Variants in PAXIP1 observed in about 807,000 individuals in gnomAD.
PAXIP1 encodes PAX interacting protein 1.
In PAXIP1, 19 loss-of-function variants were observed where a neutral mutation model predicts 140.6. The observed-to-expected ratio is 0.14, with a 90% confidence interval of 0.09 to 0.20. PAXIP1 has a LOEUF of 0.20. PAXIP1 is among the 10% of genes least tolerant of loss of function. PAXIP1 has a pLI of 1.00. For synonymous variants in PAXIP1, 442 were observed against 444.6 expected (o/e 0.99, Z 0.07); for missense variants, 920 against 1,208.6 (o/e 0.76, Z 3.54).
At position 154,993,782 on chromosome 7, in the gene PAXIP1, A is replaced by T. The variant is rs1438067559; in HGVS notation, c.217-13T>A. 1 of 1,565,914 alleles carries T rather than the reference A, an allele frequency of 6.4e-7. No homozygotes were observed. Among genetic ancestry groups the T allele is most frequent in the Non-Finnish European group, 8.7e-7 (1 of 1,155,132 alleles). ...TCACCCAAGAAGGCTGAAAAAGAAA[A>T]GATTAAATCAAAAAGTATTCTCAAT... On this transcript the variant is annotated splice_polypyrimidine_tract_variant and intron_variant, in intron 2 of 20. Transcript: ENST00000404141.
In PAXIP1 at chr7:155,002,854, G is replaced by A. The variant is rs1284333863; in HGVS notation, c.76C>T (p.Pro26Ser). 4 of 1,400,066 alleles carry A rather than the reference G, an allele frequency of 2.9e-6. No homozygotes were observed. The highest frequency in any genetic ancestry group is 2.8e-6 in the Non-Finnish European group (3 of 1,057,764). The allele number at this position is 1,400,066 out of a possible 1,614,324, so 86.7% of individuals were successfully genotyped here. A position where few individuals can be genotyped will look rare whatever the true frequency, so the allele number is the denominator to read the frequency against. The change falls in exon 1 of 21, where the codon CCG becomes TCG. Residue 26 changes from proline to serine, a missense_variant. Pro to Ser is a moderately conservative substitution (Grantham distance 74). Coordinates refer to ENST00000404141, the MANE Select transcript of PAXIP1 (RefSeq NM_007349.4). ...VKYYAVGDIDPQVIQLLKAGK... is the reference protein window; with the variant it reads ...VKYYAVGDIDSQVIQLLKAGK... ...GGCAGGGGCGGGCGCGGTACCTGCG[G>A]GTCGATGTCGCCCACCGCGTAATAC... is the stretch of plus-strand genomic sequence containing the variant.
chr7:154,952,371 C>A (rs1033946566), intron 16 of PAXIP1, among the ~76,000 whole-genome samples: 2 of 152,192 alleles, frequency 1.3e-5, no homozygotes, highest in Non-Finnish European at 2.9e-5. Context: ...CAAGGCCATG[C>A]CTTGCCTTCC....
chr7:154,954,308 T>C lies in PAXIP1; in HGVS notation c.2768A>G (p.His923Arg). The part of the protein sequence containing the change: ...KFLTAISVVK[H>R]IVTPEWLEEC... ...TTCCAGCCACTCTGGCGTCACTATGTGCTTCACGACAGAAATCGCCGTCAG... is the reference window on the plus strand; with the variant it reads ...TTCCAGCCACTCTGGCGTCACTATGCGCTTCACGACAGAAATCGCCGTCAG... The change falls in exon 16 of 21, where the codon CAC (histidine) becomes CGC (arginine). Residue 923 changes from histidine to arginine, a missense_variant. Physicochemically the swap from His to Arg is conservative, Grantham distance 29. This residue lies in a region of PAXIP1 where 303 missense variants were observed against 517.9 expected (regional missense o/e 0.59). Coordinates refer to ENST00000404141, the MANE Select transcript of PAXIP1 (RefSeq NM_007349.4). The surrounding 1 kb of genome is among the most constrained non-coding windows in gnomAD (Gnocchi z 5.1). 6.2e-7 allele frequency: 1 copy of C among 1,602,608 alleles called. No homozygotes were observed. Among genetic ancestry groups the C allele is most frequent in the Non-Finnish European group, 8.5e-7 (1 of 1,172,048 alleles).
At chr7:154,994,438 C>T (rs1248773578) in intron 2 of PAXIP1, among the ~76,000 whole-genome samples, 1 of 152,028 alleles carries the variant, frequency 6.6e-6, no homozygotes, top group Admixed American at 6.6e-5. Context: ...AGCTGACTTC[C>T]AGAAACTTCA....
At chr7:154,944,984 T>C (rs992583349) in intron 20 of PAXIP1, 2 of 25,168 alleles carry the variant, frequency 7.9e-5, no homozygotes, top group East Asian at 2.5e-3. Flanking sequence ...TTTTACTTCT[T>C]TTTTTTTTTT....
Position 154,954,404 on chromosome 7 carries a change from C to A in PAXIP1, c.2672G>T (p.Gly891Val). 1 of 1,556,470 alleles carries A rather than the reference C, an allele frequency of 6.4e-7. No homozygotes were observed. Among genetic ancestry groups the A allele is most frequent in the South Asian group, 1.2e-5 (1 of 84,622 alleles). ...CTTCTGTGCAGACTCCGCAACCTCT[C>A]CACCAAGAATGTAGAGCTTCTAAAG... The part of the protein sequence containing the change: ...QYIKKLYILG[G>V]EVAESAQKCT... The change falls in exon 16 of 21, where the codon GGA becomes GTA. Residue 891 changes from glycine (G) to valine (V), a missense_variant. Coordinates refer to ENST00000404141, the MANE Select transcript of PAXIP1 (RefSeq NM_007349.4). The surrounding 1 kb of genome is among the most constrained non-coding windows in gnomAD (Gnocchi z 5.1).
At chr7:154,999,369 A>C (rs2150790899) in intron 1 of PAXIP1, among the ~76,000 whole-genome samples, 1 of 152,348 alleles carries the variant, frequency 6.6e-6, no homozygotes, top group African/African-American at 2.4e-5. Flanking sequence ...AGGGCCACTG[A>C]AGGATTTCAC....
At chr7:154,962,882 G>A (rs1808820525) in intron 9 of PAXIP1, among the ~76,000 whole-genome samples, 1 of 152,166 alleles carries the variant, frequency 6.6e-6, no homozygotes, top group African/African-American at 2.4e-5. Context: ...AGGAAAAGCA[G>A]ATCCTGTGAA....
At chr7:155,002,440 G>A (rs1810956665) in intron 1 of PAXIP1, among the ~76,000 whole-genome samples, 1 of 152,046 alleles carries the variant, frequency 6.6e-6, no homozygotes, top group Admixed American at 6.6e-5. Flanking sequence ...GGATCCCGGC[G>A]CCCCTCGTCC....
At chr7:154,969,157 C>T (rs1334871054) in intron 6 of PAXIP1, 31 bp from the exon 7 acceptor site, 3 of 1,444,038 alleles carry the variant, frequency 2.1e-6, no homozygotes, top group East Asian at 2.5e-5. Flanking sequence ...GAAACATTAT[C>T]AACAGTTCCT....
intron 16 of PAXIP1, chr7:154,952,226 T>G (rs1327366219): frequency 8.6e-4 from 131 of 152,344 alleles, no homozygotes; most frequent in Non-Finnish European, 4.3e-4. Context: ...ACAGATTCTT[T>G]GCTAATTTTC....
At position 154,954,388 on chromosome 7, in the gene PAXIP1, A is replaced by G; in HGVS notation, c.2688T>C (p.Ser896=). The change falls in exon 16 of 21, where the codon TCT becomes TCC. Residue 896 remains serine, a synonymous_variant. Transcript: ENST00000404141. This position sits in a 1 kb window ranked among gnomAD's most constrained non-coding sequence, Gnocchi z 5.1. The part of the protein sequence containing the change: ...LYILGGEVAE[S]AQKCTHLIAS... ...CAATGAGGTGTGTGCACTTCTGTGC[A>G]GACTCCGCAACCTCTCCACCAAGAA... The G allele has an allele frequency of 6.3e-7, 1 of 1,588,918 alleles. No individual in the cohort carries two copies. The highest frequency in any genetic ancestry group is 8.6e-7 in the Non-Finnish European group (1 of 1,162,704).
intron 8 of PAXIP1, among the ~76,000 whole-genome samples, chr7:154,966,695 T>TGCCATCCGCCTCTTTCCTCA (rs1001044016): frequency 1.3e-5 from 2 of 152,220 alleles, no homozygotes; most frequent in African/African-American, 4.8e-5. Context: ...CCCTGGCACA[T>TGCCATCCGCCTCTTTCCTCA]GCCATCCGCC....
At chr7:154,967,778 T>C (rs1809089470) in intron 8 of PAXIP1, 38 bp downstream of exon 8, 1 of 1,411,414 alleles carries the variant, frequency 7.1e-7, no homozygotes, top group Non-Finnish European at 1.0e-6. Context: ...AAGAAGCATC[T>C]TCAGACACAG....
At chr7:154,957,973 C>CAACAA (rs1808600016) in intron 13 of PAXIP1, among the ~76,000 whole-genome samples, 1 of 91,740 alleles carries the variant, frequency 1.1e-5, no homozygotes, top group Non-Finnish European at 2.1e-5. Context: ...GACTCCGTCT[C>CAACAA]AAAAAAAAAA....
At chr7:154,972,657 T>G (rs1809381463) in intron 6 of PAXIP1, among the ~76,000 whole-genome samples, 1 of 152,208 alleles carries the variant, frequency 6.6e-6, no homozygotes, top group Admixed American at 6.5e-5. Context: ...AAGTAGCCAT[T>G]TCTCGAAGTG....
At chr7:154,979,028 G>A (rs1315437643) in intron 5 of PAXIP1, among the ~76,000 whole-genome samples, 3 of 152,056 alleles carry the variant, frequency 2.0e-5, no homozygotes, top group African/African-American at 7.2e-5. Context: ...GTTTTCTCTC[G>A]CTTTTCACAA....
At chr7:154,945,677 G>C in intron 20 of PAXIP1, 1 of 985,432 alleles carries the variant, frequency 1.0e-6, no homozygotes, top group Non-Finnish European at 1.2e-6. Flanking sequence ...ACAGCCCTGA[G>C]AGAAGGTGCT....
At chr7:154,989,712 CT>C (rs1473418305) in intron 4 of PAXIP1, among the ~76,000 whole-genome samples, 1 of 152,080 alleles carries the variant, frequency 6.6e-6, no homozygotes, top group East Asian at 1.9e-4. Context: ...TATTCAGATA[CT>C]CAGAACTAAC....
Sources: allele counts gnomAD v4.1 joint callset (sites outside exome capture counted in the v4.1 genomes callset), GRCh38; gene constraint gnomAD v4.1.1; regional missense constraint gnomAD v4.1.1; non-coding constraint Gnocchi (gnomAD v3.1); transcripts MANE v1.5; gene names NCBI Gene and HGNC (gene_info 2026-07-23, HGNC 2026-07-21).